Variants in CHST9 observed in about 807,000 individuals in gnomAD.
CHST9 encodes the protein GalNAc-4-sulfotransferase 2.
In CHST9, 41 loss-of-function variants were observed where a neutral mutation model predicts 44.4. The observed-to-expected ratio is 0.92, with a 90% CI of 0.72 to 1.20. The LOEUF (loss-of-function observed/expected upper bound fraction) is 1.20. CHST9 is among the 50% of genes most tolerant of loss of function. CHST9 has a pLI of 0.00. For synonymous variants in CHST9, 171 were observed against 178.4 expected, an observed-to-expected ratio of 0.96 and a Z score of 0.33; for missense variants, 504 against 516.5, an observed-to-expected ratio of 0.98 and a Z score of 0.23.
At chr18:26,958,675 GAACA>G (rs1477647351) in intron 4 of CHST9, among the ~76,000 whole-genome samples, 3 of 152,038 alleles carry the variant, frequency 2.0e-5, no homozygotes, top group Non-Finnish European at 4.4e-5. Context: ...CAAAAGATGT[GAACA>G]GACACTTCTC....
intron 1 of CHST9, among the ~76,000 whole-genome samples, chr18:27,156,160 C>CAA (rs11299491): frequency 7.2e-6 from 1 of 138,680 alleles, no homozygotes; most frequent in African/African-American, 2.6e-5. Flanking sequence ...GAAATATGGC[C>CAA]AAAAAAAAAA....
chr18:27,095,473 C>T (rs2058107825), intron 2 of CHST9, among the ~76,000 whole-genome samples: 1 of 152,068 alleles, frequency 6.6e-6, no homozygotes, highest in Non-Finnish European at 1.5e-5. Flanking sequence ...TCTAAATGCT[C>T]CACTTAAAAG....
intron 3 of CHST9, among the ~76,000 whole-genome samples, chr18:27,046,862 T>C (rs2057507373): frequency 2.0e-5 from 3 of 152,070 alleles, no homozygotes; most frequent in Admixed American, 2.0e-4. Context: ...ATTGACAAGC[T>C]ACAGATCAGA....
chr18:27,140,609 G>C (rs1289625469), intron 2 of CHST9, among the ~76,000 whole-genome samples: 3 of 152,114 alleles, frequency 2.0e-5, no homozygotes, highest in Non-Finnish European at 4.4e-5. Flanking sequence ...AAAATAATGA[G>C]ATCTTTTTCT....
At chr18:27,109,633 T>C (rs1430172923) in intron 2 of CHST9, among the ~76,000 whole-genome samples, 1 of 152,242 alleles carries the variant, frequency 6.6e-6, no homozygotes, top group Non-Finnish European at 1.5e-5. Context: ...GCGCACTGAC[T>C]GCTCTAGTGC....
At chr18:27,116,240 G>T (rs1420104722) in intron 2 of CHST9, among the ~76,000 whole-genome samples, 1 of 152,070 alleles carries the variant, frequency 6.6e-6, no homozygotes, top group Non-Finnish European at 1.5e-5. Context: ...TTTCTCCTAA[G>T]AGTTTTATAG....
intron 4 of CHST9, among the ~76,000 whole-genome samples, chr18:26,977,673 T>C (rs1051751453): frequency 4.6e-5 from 7 of 152,150 alleles, no homozygotes; most frequent in Non-Finnish European, 1.5e-5. Context: ...CACCATATTA[T>C]AAGCATCCGA....
intron 1 of CHST9, among the ~76,000 whole-genome samples, chr18:27,166,130 C>CA (rs1330645135): frequency 6.6e-6 from 1 of 152,068 alleles, no homozygotes; most frequent in African/African-American, 2.4e-5. Flanking sequence ...CTTCGTCCTC[C>CA]AAAAAATGAC....
chr18:26,986,845 A>G (rs1382854733), intron 4 of CHST9, among the ~76,000 whole-genome samples: 1 of 152,210 alleles, frequency 6.6e-6, no homozygotes, highest in African/African-American at 2.4e-5. Flanking sequence ...ATGTCTTTCA[A>G]AAATAAAGGT....
intron 4 of CHST9, among the ~76,000 whole-genome samples, chr18:26,976,773 TGGGGACAG>T (rs1263545054): frequency 3.9e-5 from 6 of 152,092 alleles, no homozygotes; most frequent in African/African-American, 1.4e-4. Context: ...GAAAGGAAGC[TGGGGACAG>T]GGGGCTGCTT....
chr18:27,133,416 C>T (rs575070868), intron 2 of CHST9, among the ~76,000 whole-genome samples: 23 of 152,192 alleles, frequency 1.5e-4, no homozygotes, highest in South Asian at 2.1e-4. Flanking sequence ...GGGGACAGCA[C>T]GTAAGAATAC....
chr18:26,940,948 T>C (rs2056073600), intron 5 of CHST9, among the ~76,000 whole-genome samples: 1 of 152,172 alleles, frequency 6.6e-6, no homozygotes, highest in Admixed American at 6.5e-5. Flanking sequence ...AGTGGAGTGA[T>C]GTGGCTGTAA....
intron 3 of CHST9, among the ~76,000 whole-genome samples, chr18:27,030,707 A>G (rs1300202950): frequency 6.6e-6 from 1 of 152,194 alleles, no homozygotes; most frequent in Non-Finnish European, 1.5e-5. Context: ...ATCGAATCAT[A>G]TTCGGGGAGT....
intron 2 of CHST9, among the ~76,000 whole-genome samples, chr18:27,080,888 C>T (rs879311739): frequency 6.6e-6 from 1 of 152,124 alleles, no homozygotes; most frequent in Admixed American, 6.6e-5. Context: ...TCACTTTAGG[C>T]TCCATGAATC....
intron 2 of CHST9, among the ~76,000 whole-genome samples, chr18:27,131,686 C>A (rs886640094): frequency 6.6e-6 from 1 of 152,078 alleles, no homozygotes; most frequent in African/African-American, 2.4e-5. Context: ...ATGTTAAAAT[C>A]GAGATCATAA....
At chr18:27,062,460 C>T (rs1351567578) in intron 2 of CHST9, among the ~76,000 whole-genome samples, 1 of 152,154 alleles carries the variant, frequency 6.6e-6, no homozygotes, top group East Asian at 1.9e-4. Flanking sequence ...TGGTTTCCAG[C>T]TTCATCCATG....
At chr18:26,956,326 A>AAATAT (rs1404547736) in intron 4 of CHST9, among the ~76,000 whole-genome samples, 4 of 125,718 alleles carry the variant, frequency 3.2e-5, no homozygotes, top group Non-Finnish European at 6.4e-5. Context: ...AAAAAAAAAA[A>AAATAT]ATATATATAT....
intron 3 of CHST9, among the ~76,000 whole-genome samples, chr18:27,025,176 A>T (rs984391356): frequency 6.8e-6 from 1 of 148,134 alleles, no homozygotes; most frequent in Non-Finnish European, 1.5e-5. Flanking sequence ...TAATACACTT[A>T]CATATATTAT....
At chr18:27,098,204 A>T (rs1383584899) in intron 2 of CHST9, among the ~76,000 whole-genome samples, 1 of 152,182 alleles carries the variant, frequency 6.6e-6, no homozygotes, top group African/African-American at 2.4e-5. Context: ...ACATTAAAAA[A>T]AAAAGCTCAA....
Sources: allele counts gnomAD v4.1 joint callset (sites outside exome capture counted in the v4.1 genomes callset), GRCh38; gene constraint gnomAD v4.1.1; transcripts MANE v1.5; gene names NCBI Gene and HGNC (gene_info 2026-07-23, HGNC 2026-07-21).